DHX9: variants seen among roughly 807,000 people sequenced by gnomAD.
The protein encoded by DHX9 is DExH-box helicase 9.
DHX9 carries 27 observed loss-of-function variants against 148.7 expected under a neutral mutation model. That is an observed-to-expected ratio of 0.18 (90% CI 0.13 to 0.25). The LOEUF (loss-of-function observed/expected upper bound fraction) is 0.25, where lower values mean the gene tolerates loss of function less well. Among genes scored for constraint, DHX9 ranks in the 10% least tolerant of loss-of-function variants. The probability of loss-of-function intolerance (pLI) is 1.00; values close to 1 mark genes in which losing one functional copy is unlikely to be tolerated. For missense variants in DHX9, 796 were observed against 1,559.6 expected (o/e 0.51, Z 8.25); for synonymous variants, 529 against 516.6 (o/e 1.02, Z -0.33).
At chr1:182,857,451 G>A (rs548841741) in intron 7 of DHX9, among the ~76,000 whole-genome samples, 2 of 152,342 alleles carry the variant, frequency 1.3e-5, no homozygotes, top group South Asian at 4.1e-4. Context: ...CCAGCGTACT[G>A]CCTGTTTTTA....
At chr1:182,867,447 G>T (rs1648347994) in intron 14 of DHX9, among the ~76,000 whole-genome samples, 1 of 152,076 alleles carries the variant, frequency 6.6e-6, no homozygotes, top group African/African-American at 2.4e-5. Flanking sequence ...CTGTCACCCA[G>T]GCTGGAGTGC....
Position 182,884,896 on chromosome 1 carries a change from A to C in DHX9, c.3461+83A>C, listed in dbSNP as rs116744359. Reference sequence around the variant, plus strand: ...CTAGAATTCCTGAAGTTAGTGATAGAAGCCCTATTACTTAAGTAAAATTCT... The same window carrying C: ...CTAGAATTCCTGAAGTTAGTGATAGCAGCCCTATTACTTAAGTAAAATTCT... On this transcript the variant is annotated intron_variant, in intron 27 of 27. Coordinates refer to ENST00000367549, the MANE Select transcript of DHX9 (RefSeq NM_001357.5). The C allele has an allele frequency of 2.1e-3, 2,747 of 1,305,332 alleles. 11 individuals are homozygous for C. Among genetic ancestry groups the C allele is most frequent in the South Asian group, 3.1e-3 (252 of 81,954 alleles). 80.9% of individuals were successfully genotyped at this position (1,305,332 alleles called of 1,614,324 possible). A position where few individuals can be genotyped will look rare whatever the true frequency, so the allele number is the denominator to read the frequency against.
chr1:182,856,708 G>A, intron 7 of DHX9, 130 bp downstream of exon 7: 1 of 698,738 alleles, frequency 1.4e-6, no homozygotes, highest in Non-Finnish European at 2.4e-6. Flanking sequence ...TAGCATCTAG[G>A]GTATATTTTA....
intron 3 of DHX9, among the ~76,000 whole-genome samples, chr1:182,851,594 A>G (rs1247849730): frequency 1.3e-5 from 2 of 152,216 alleles, no homozygotes; most frequent in East Asian, 3.8e-4. Context: ...CATCCCATCT[A>G]GTTAAGGAAA....
chr1:182,883,968 T>G (rs913557879), intron 26 of DHX9, among the ~76,000 whole-genome samples: 2 of 152,188 alleles, frequency 1.3e-5, no homozygotes, highest in Non-Finnish European at 2.9e-5. Context: ...ATCATATTCT[T>G]GAAAACCTAG....
In DHX9 at chr1:182,859,045, T is replaced by G; in HGVS notation, c.1068T>G (p.Thr356=). The change falls in exon 11 of 28, where the codon ACT becomes ACG. Residue 356 remains threonine, a synonymous_variant. Coordinates refer to ENST00000367549, the MANE Select transcript of DHX9 (RefSeq NM_001357.5). Reference sequence around the variant, plus strand: ...GTTGGCTTTTTGTTTTACAGGCTACTCCAGAGCAAATAAGCATGGACCTCA... The same window carrying G: ...GTTGGCTTTTTGTTTTACAGGCTACGCCAGAGCAAATAAGCATGGACCTCA... ...NIDEGPLAFA[T]PEQISMDLKN... 1 of 1,614,102 alleles carries G rather than the reference T, an allele frequency of 6.2e-7. No homozygotes were observed.
chr1:182,881,158 A>G, intron 22 of DHX9, 106 bp from the exon 23 acceptor site: 1 of 1,128,366 alleles, frequency 8.9e-7, no homozygotes, highest in Non-Finnish European at 1.2e-6. Context: ...AAATAAAAGT[A>G]GAATCATAGC....
intron 5 of DHX9, 93 bp from the exon 6 acceptor site, chr1:182,853,937 A>G (rs1668208262): frequency 8.7e-7 from 1 of 1,146,430 alleles, no homozygotes; most frequent in Admixed American, 2.3e-5. Context: ...TTGCATTATA[A>G]AGGATAGTAC....
In DHX9 at chr1:182,871,364, G is replaced by A. The variant is rs569339034; in HGVS notation, c.1558-973G>A. 3.3e-5 allele frequency among the ~76,000 whole-genome samples: 5 copies of A among 152,294 alleles called. No individual in the cohort carries two copies. In the South Asian group the frequency reaches 8.3e-4, roughly 25 times the overall value. On this transcript the variant is annotated intron_variant, in intron 14 of 27. Transcript: ENST00000367549. ...TTTATATCTGTTTATTTAATAAAAA[G>A]TGACACTAAAAATGTTGGAGAGTAT... is the stretch of plus-strand genomic sequence containing the variant.
intron 3 of DHX9, 65 bp from the exon 4 acceptor site, chr1:182,852,168 A>G (rs1668163215): frequency 3.9e-6 from 4 of 1,026,948 alleles, no homozygotes; most frequent in African/African-American, 1.6e-5. Context: ...TTAAGTATTA[A>G]AAGAATTTAC....
intron 14 of DHX9, among the ~76,000 whole-genome samples, chr1:182,867,747 G>T (rs1265533217): frequency 6.6e-6 from 1 of 152,158 alleles, no homozygotes; most frequent in Admixed American, 6.5e-5. Context: ...TTTCAGCTCT[G>T]ATCTTTTCAG....
In DHX9 at chr1:182,866,565, G is replaced by A. The variant is rs1648305406; in HGVS notation, c.1454G>A (p.Ser485Asn). Residue 485 changes from serine to asparagine, a missense_variant, in exon 13 of 28, where the codon AGT (serine) becomes AAT (asparagine). By Grantham distance (46) the Ser-to-Asn change is conservative (BLOSUM62 1). Transcript: ENST00000367549. ...FESILPRPHA[S>N]IMFCTVGVLL... is the part of the protein sequence containing the mutation. ...TCTATACTTCCTCGTCCTCATGCCA[G>A]TATAATGTTTTGTACTGTAGGTCAG... is the stretch of plus-strand genomic sequence containing the variant. The A allele has an allele frequency of 6.2e-7, 1 of 1,613,910 alleles. No individual in the cohort carries two copies. The highest frequency in any genetic ancestry group is 1.3e-5 in the African/African-American group (1 of 74,916).
chr1:182,842,732 AAAAG>A (rs1667954398), intron 2 of DHX9, 55 bp downstream of exon 2: 1 of 1,423,626 alleles, frequency 7.0e-7, no homozygotes, highest in Non-Finnish European at 9.7e-7. Flanking sequence ...TTTTGGGGTT[AAAAG>A]AAAAATGTTT....
At chr1:182,864,967 T>G (rs1373402657) in intron 12 of DHX9, among the ~76,000 whole-genome samples, 1 of 152,116 alleles carries the variant, frequency 6.6e-6, no homozygotes, top group Non-Finnish European at 1.5e-5. Context: ...AACCCCAAGG[T>G]GACAAAGCAA....
intron 14 of DHX9, among the ~76,000 whole-genome samples, chr1:182,870,271 T>C (rs922757335): frequency 3.9e-5 from 6 of 152,256 alleles, no homozygotes; most frequent in African/African-American, 1.4e-4. Context: ...GCAATTCTAA[T>C]TAAAATCCCA....
At chr1:182,849,459 A>G (rs1668092428) in intron 3 of DHX9, among the ~76,000 whole-genome samples, 1 of 152,260 alleles carries the variant, frequency 6.6e-6, no homozygotes. Context: ...GAATAGTGTC[A>G]ATATAATGAG....
At chr1:182,860,792 C>T (rs1346549754) in intron 12 of DHX9, among the ~76,000 whole-genome samples, 7 of 152,324 alleles carry the variant, frequency 4.6e-5, no homozygotes, top group South Asian at 2.1e-4. Context: ...CAATGAGCAG[C>T]GCCTGCATGT....
At chr1:182,884,360 G>A (rs1051791308) in intron 26 of DHX9, among the ~76,000 whole-genome samples, 1 of 151,940 alleles carries the variant, frequency 6.6e-6, no homozygotes, top group African/African-American at 2.4e-5. Context: ...ATTTTATTTG[G>A]CTTGATAGAC....
At chr1:182,869,694 T>C (rs1431273916) in intron 14 of DHX9, among the ~76,000 whole-genome samples, 1 of 152,184 alleles carries the variant, frequency 6.6e-6, no homozygotes, top group Non-Finnish European at 1.5e-5. Context: ...CACTGCAACC[T>C]CCGCCCCTGA....
Sources: allele counts gnomAD v4.1 joint callset (sites outside exome capture counted in the v4.1 genomes callset), GRCh38; gene constraint gnomAD v4.1.1; transcripts MANE v1.5; gene names NCBI Gene and HGNC (gene_info 2026-07-23, HGNC 2026-07-21).